The following PTCHD4 variants were observed in gnomAD, a reference collection of about 807,000 sequenced individuals.
PTCHD4 encodes the protein patched domain-containing protein 4.
A neutral mutation model predicts 58.1 loss-of-function variants in PTCHD4; 33 were observed. That is an observed-to-expected ratio of 0.57 (90% CI 0.43 to 0.76). The LOEUF (loss-of-function observed/expected upper bound fraction) is 0.76, where lower values mean the gene tolerates loss of function less well. PTCHD4 is among the 30% of genes least tolerant of loss of function. PTCHD4 has a pLI of 0.00. For synonymous variants in PTCHD4, 478 were observed against 409.6 expected, an observed-to-expected ratio of 1.17 and a Z score of -2.02; for missense variants, 1,058 against 1,027.1, an observed-to-expected ratio of 1.03 and a Z score of -0.41.
At chr6:47,931,545 T>C (rs1765821606) in intron 4 of PTCHD4, among the ~76,000 whole-genome samples, 1 of 152,164 alleles carries the variant, frequency 6.6e-6, no homozygotes. Flanking sequence ...AAACAGGTAA[T>C]TGTAAAATCG....
rs1304234327 is a variant in PTCHD4, at chr6:47,864,588, G to C, written c.*13715C>G. On this transcript the variant is annotated 3_prime_UTR_variant, in exon 5 of 5. Coordinates refer to ENST00000339488, the MANE Select transcript of PTCHD4 (RefSeq NM_001384253.1). ...ACGTGGATGATCAAGCTGCTGTGTG[G>C]CCCCATTGCATGGCACTGTGGCTCC... Among the ~76,000 whole-genome samples the C allele has an allele frequency of 6.6e-6, 1 of 151,850 alleles. No homozygotes were observed. The highest frequency in any genetic ancestry group is 1.5e-5 in the Non-Finnish European group (1 of 67,898).
intron 4 of PTCHD4, among the ~76,000 whole-genome samples, chr6:48,000,839 C>T (rs923510737): frequency 3.9e-5 from 6 of 152,156 alleles, no homozygotes. Flanking sequence ...TCTCTGCTTT[C>T]CTATAAAGTT....
rs1374691407 is a variant in PTCHD4 at position 47,874,431 on chromosome 6, T to C, written c.*3872A>G. ...ATGCATAGTGCCGTGCATTCATAAC[T>C]ATTTGGTCATAAAAATATGTGACTG... On this transcript the variant is annotated 3_prime_UTR_variant, in exon 5 of 5. Coordinates refer to ENST00000339488, the MANE Select transcript of PTCHD4 (RefSeq NM_001384253.1). Among the ~76,000 whole-genome samples, 1 of 151,786 alleles carries C rather than the reference T, an allele frequency of 6.6e-6. No homozygotes were observed. The highest frequency in any genetic ancestry group is 1.5e-5 in the Non-Finnish European group (1 of 67,824).
chr6:48,077,686 A>C (rs1025477884), intron 1 of PTCHD4, among the ~76,000 whole-genome samples: 8 of 152,206 alleles, frequency 5.3e-5, no homozygotes, highest in Non-Finnish European at 1.2e-4. Context: ...ATTCTTGAAT[A>C]CTTAGAGGCC....
rs1208523932 is a variant in PTCHD4 at position 47,856,799 on chromosome 6, T to G, written c.*21504A>C. ...AACATTTTATACCTAATAAAAAAGT[T>G]AAAATAATTAACAGCATTCATCAGA... is the stretch of plus-strand genomic sequence containing the variant. On this transcript the variant is annotated 3_prime_UTR_variant, in exon 5 of 5. Coordinates refer to ENST00000339488, the MANE Select transcript of PTCHD4 (RefSeq NM_001384253.1). Among the ~76,000 whole-genome samples the G allele has an allele frequency of 6.6e-6, 1 of 152,096 alleles. No individual in the cohort carries two copies.
intron 1 of PTCHD4, among the ~76,000 whole-genome samples, chr6:48,106,036 G>T (rs924990350): frequency 1.3e-5 from 2 of 152,136 alleles, no homozygotes; most frequent in East Asian, 3.9e-4. Flanking sequence ...GGAGGAGCTG[G>T]TACCGTTCCT....
At chr6:48,061,844 TG>T (rs1173729019) in intron 3 of PTCHD4, among the ~76,000 whole-genome samples, 1 of 152,186 alleles carries the variant, frequency 6.6e-6, no homozygotes, top group East Asian at 1.9e-4. Flanking sequence ...TCTAGAGAAA[TG>T]AGTCATTCCA....
intron 1 of PTCHD4, among the ~76,000 whole-genome samples, chr6:48,095,747 A>AAC (rs1554182427): frequency 4.6e-5 from 7 of 150,798 alleles, no homozygotes; most frequent in East Asian, 1.9e-4. Flanking sequence ...AAAAAAAAAA[A>AAC]CAAATATAAC....
At chr6:48,049,755 G>A (rs1232390431) in intron 3 of PTCHD4, among the ~76,000 whole-genome samples, 1 of 151,840 alleles carries the variant, frequency 6.6e-6, no homozygotes, top group Non-Finnish European at 1.5e-5. Flanking sequence ...TTCTTTGCTG[G>A]TTGAGCTACT....
Position 47,974,976 on chromosome 6 carries a change from G to A in PTCHD4, c.898+33658C>T, listed in dbSNP as rs566956312. On this transcript the variant is annotated intron_variant, in intron 4 of 4. Transcript: ENST00000339488. The stretch of plus-strand genomic sequence containing the variant: ...GTTTATTTACTAGGAACCCTCCTAC[G>A]TACTGGAGATTCCATGGTAAAACAA... Among the ~76,000 whole-genome samples, 22 of 152,012 alleles carry A rather than the reference G, an allele frequency of 1.4e-4. No individual in the cohort carries two copies. In the South Asian group the frequency reaches 3.5e-3, roughly 24 times the overall value.
At chr6:48,080,502 A>G (rs966773377) in intron 1 of PTCHD4, among the ~76,000 whole-genome samples, 3 of 152,154 alleles carry the variant, frequency 2.0e-5, no homozygotes, top group African/African-American at 4.8e-5. Context: ...TCTTTATTCT[A>G]TTGTATTGAG....
At chr6:48,036,460 G>A (rs999982242) in intron 3 of PTCHD4, among the ~76,000 whole-genome samples, 1 of 152,130 alleles carries the variant, frequency 6.6e-6, no homozygotes, top group Non-Finnish European at 1.5e-5. Context: ...AAAACCTCCT[G>A]AGTAGTGTGA....
rs780659610 is a variant in PTCHD4 at position 48,068,458 on chromosome 6, G to C, written c.189C>G (p.Pro63=). 5.8e-5 allele frequency: 94 copies of C among 1,613,574 alleles called. No individual in the cohort carries two copies. The highest frequency in any genetic ancestry group is 1.2e-4 in the South Asian group (11 of 91,076). The part of the protein sequence containing the change: ...FGLSALNRFQ[P]EGDLERLVAP... ...CGACCAGGCGCTCCAGGTCGCCCTC[G>C]GGCTGGAAGCGGTTGAGCGCGCTGA... The change falls in exon 3 of 5, where the codon CCC becomes CCG. Residue 63 remains proline, a synonymous_variant. Coordinates refer to ENST00000339488, the MANE Select transcript of PTCHD4 (RefSeq NM_001384253.1). This position sits in a 1 kb window ranked among gnomAD's most constrained non-coding sequence, Gnocchi z 4.2.
In PTCHD4 at chr6:48,068,155, C is replaced by T; in HGVS notation, c.417+75G>A. ...CCTCTAGCACTGAAATAATATCATC[C>T]AGCACGCATTTCTTATCCTGATTTC... On this transcript the variant is annotated intron_variant, in intron 3 of 4. Coordinates refer to ENST00000339488, the MANE Select transcript of PTCHD4 (RefSeq NM_001384253.1). This position sits in a 1 kb window ranked among gnomAD's most constrained non-coding sequence, Gnocchi z 4.2. 1.4e-6 allele frequency: 2 copies of T among 1,436,280 alleles called. No homozygotes were observed. The highest frequency in any genetic ancestry group is 9.4e-7 in the Non-Finnish European group (1 of 1,062,864). 89.0% of individuals were successfully genotyped at this position (1,436,280 alleles called of 1,614,324 possible).
rs1340601818 is a variant in PTCHD4 at position 47,867,717 on chromosome 6, T to A, written c.*10586A>T. Among the ~76,000 whole-genome samples, 2 of 151,906 alleles carry A rather than the reference T, an allele frequency of 1.3e-5. No homozygotes were observed. Among genetic ancestry groups the A allele is most frequent in the East Asian group, 3.9e-4 (2 of 5,132 alleles). Reference sequence around the variant, plus strand: ...CATCCTCCATCTCTATCTATTAGAATCTTACCCACACTTCAATGTGGATCA... The same window carrying A: ...CATCCTCCATCTCTATCTATTAGAAACTTACCCACACTTCAATGTGGATCA... On this transcript the variant is annotated 3_prime_UTR_variant, in exon 5 of 5. Coordinates refer to ENST00000339488, the MANE Select transcript of PTCHD4 (RefSeq NM_001384253.1).
At chr6:47,937,895 G>A (rs1328900564) in intron 4 of PTCHD4, among the ~76,000 whole-genome samples, 3 of 152,204 alleles carry the variant, frequency 2.0e-5, no homozygotes, top group African/African-American at 7.2e-5. Context: ...GCTCACACCT[G>A]TAATCCCAGC....
intron 4 of PTCHD4, among the ~76,000 whole-genome samples, chr6:47,965,510 T>C (rs1767251502): frequency 6.6e-6 from 1 of 152,202 alleles, no homozygotes; most frequent in African/African-American, 2.4e-5. Flanking sequence ...TTTTAACTAA[T>C]GAAAGAAATT....
intron 4 of PTCHD4, among the ~76,000 whole-genome samples, chr6:47,910,511 T>C (rs953183251): frequency 6.6e-6 from 1 of 152,150 alleles, no homozygotes; most frequent in African/African-American, 2.4e-5. Context: ...GAAACAATTT[T>C]CCAGTCTAAG....
At chr6:47,919,067 C>T (rs1361464078) in intron 4 of PTCHD4, among the ~76,000 whole-genome samples, 1 of 151,976 alleles carries the variant, frequency 6.6e-6, no homozygotes, top group Non-Finnish European at 1.5e-5. Flanking sequence ...GTATAACAGC[C>T]CTGGACTGCT....
Sources: gnomAD v4.1 joint callset for allele counts (sites outside exome capture counted in the v4.1 genomes callset) on GRCh38, gnomAD v4.1.1 for gene constraint, Gnocchi (gnomAD v3.1) non-coding constraint, MANE v1.5 for transcripts, NCBI Gene and HGNC (gene_info 2026-07-23, HGNC 2026-07-21) for gene names.